Variants in NBAS observed in about 807,000 individuals in gnomAD.
The protein encoded by NBAS is NBAS subunit of NRZ tethering complex, also known as NAG/BC035112 fusion.
A neutral mutation model predicts 302.5 loss-of-function variants in NBAS; 219 were observed. The ratio of observed to expected loss-of-function variants is 0.72; its 90% CI spans 0.65 to 0.81. NBAS has a LOEUF of 0.81. Ranked by LOEUF, NBAS falls within the 30% of genes least tolerant of loss-of-function variation. The pLI, the probability that NBAS is intolerant of heterozygous loss-of-function variation, is 0.00. For missense variants in NBAS, 2,932 were observed against 2,841.6 expected (o/e 1.03, Z -0.72); for synonymous variants, 1,118 against 1,021.6 (o/e 1.09, Z -1.80).
chr2:15,079,228 T>C, the NBAS span, among the ~76,000 whole-genome samples: 1 of 151,996 alleles, frequency 6.6e-6, no homozygotes, highest in South Asian at 2.1e-4. Context: ...GAGTATGAAA[T>C]TTCATCCCAG....
At chr2:15,396,505 C>A (rs939141557) in intron 26 of NBAS, 30 bp from the exon 27 acceptor site, 2 of 1,455,184 alleles carry the variant, frequency 1.4e-6, no homozygotes, top group Non-Finnish European at 1.9e-6. Context: ...AAAAAAAAAG[C>A]CCTTAAGTTT....
chr2:15,489,573 C>T (rs993440952), intron 11 of NBAS, among the ~76,000 whole-genome samples: 5 of 152,268 alleles, frequency 3.3e-5, no homozygotes, highest in Admixed American at 6.5e-5. Context: ...TTAAGAAATG[C>T]TATGAATGTT....
the NBAS span, among the ~76,000 whole-genome samples, chr2:14,886,989 TG>T: frequency 6.6e-6 from 1 of 152,190 alleles, no homozygotes; most frequent in African/African-American, 2.4e-5. Context: ...CCGATAAACA[TG>T]ACCCCACTGG....
the NBAS span, among the ~76,000 whole-genome samples, chr2:14,967,040 C>T: frequency 2.0e-5 from 3 of 151,956 alleles, no homozygotes; most frequent in Non-Finnish European, 4.4e-5. Context: ...ATTTAAAATA[C>T]CATTATTAAT....
chr2:15,073,539 T>C, the NBAS span, among the ~76,000 whole-genome samples: 59 of 152,136 alleles, frequency 3.9e-4, no homozygotes, highest in Non-Finnish European at 6.8e-4. Context: ...TGTTTCTATT[T>C]TTTGGCTGTA....
the NBAS span, among the ~76,000 whole-genome samples, chr2:14,779,762 G>T: frequency 2.0e-5 from 3 of 152,184 alleles, no homozygotes; most frequent in Admixed American, 6.5e-5. Flanking sequence ...ATTCTGGGCT[G>T]TGACCTGAGG....
At chr2:14,819,180 A>G in the NBAS span, among the ~76,000 whole-genome samples, 1 of 152,170 alleles carries the variant, frequency 6.6e-6, no homozygotes, top group Non-Finnish European at 1.5e-5. Context: ...GTTTTCCCAG[A>G]TGCTATCTAA....
At chr2:15,072,301 A>G in the NBAS span, among the ~76,000 whole-genome samples, 1 of 152,144 alleles carries the variant, frequency 6.6e-6, no homozygotes, top group Admixed American at 6.6e-5. Context: ...GGCCATTTGT[A>G]TTTATTCTTC....
the NBAS span, among the ~76,000 whole-genome samples, chr2:15,058,737 T>G: frequency 6.6e-6 from 1 of 152,192 alleles, no homozygotes. Context: ...GTTCTATTGC[T>G]TACAACTTTC....
chr2:15,106,451 GTCTCTCTCTCTCTCTC>G, the NBAS span, among the ~76,000 whole-genome samples: 1 of 147,966 alleles, frequency 6.8e-6, no homozygotes, highest in East Asian at 2.0e-4. Flanking sequence ...CTCTGTCTCT[GTCTCTCTCTCTCTCTC>G]TCTCTCTCTC....
At chr2:15,426,482 T>C (rs970961891) in intron 22 of NBAS, among the ~76,000 whole-genome samples, 1 of 152,232 alleles carries the variant, frequency 6.6e-6, no homozygotes, top group African/African-American at 2.4e-5. Flanking sequence ...TTTAAATAAC[T>C]GGTCTCTTAC....
chr2:15,349,222 G>A (rs994600834), intron 35 of NBAS, among the ~76,000 whole-genome samples: 2 of 152,214 alleles, frequency 1.3e-5, no homozygotes, highest in African/African-American at 4.8e-5. Flanking sequence ...GGTTCAAAAG[G>A]AACAAAACTT....
chr2:15,360,941 T>G (rs1285913329), intron 32 of NBAS, among the ~76,000 whole-genome samples: 8 of 152,164 alleles, frequency 5.3e-5, no homozygotes, highest in Admixed American at 5.2e-4. Context: ...CATAGTATAG[T>G]AAACACTTAA....
chr2:15,198,237 T>C (rs1329941538), intron 48 of NBAS, among the ~76,000 whole-genome samples: 1 of 152,198 alleles, frequency 6.6e-6, no homozygotes, highest in Non-Finnish European at 1.5e-5. Context: ...ATTTAAGGTA[T>C]GCATATATCA....
the NBAS span, among the ~76,000 whole-genome samples, chr2:15,154,753 C>T: frequency 6.6e-6 from 1 of 152,166 alleles, no homozygotes; most frequent in East Asian, 1.9e-4. Flanking sequence ...CAGGGTCCAG[C>T]ACCACACACC....
chr2:14,835,076 A>G, the NBAS span, among the ~76,000 whole-genome samples: 1 of 152,076 alleles, frequency 6.6e-6, no homozygotes, highest in East Asian at 1.9e-4. Flanking sequence ...AGGATGAGTC[A>G]ATGATGACAT....
chr2:15,150,984 A>AT, the NBAS span, among the ~76,000 whole-genome samples: 1 of 152,154 alleles, frequency 6.6e-6, no homozygotes, highest in East Asian at 1.9e-4. Context: ...AAGAAAACAA[A>AT]AAAAATTCAA....
rs1199970369 is a variant in NBAS at position 15,415,713 on chromosome 2, C to G, written c.2770G>C (p.Glu924Gln). Residue 924 changes from glutamate to glutamine, a missense_variant, in exon 25 of 52, where the codon GAG (glutamate) becomes CAG (glutamine). By Grantham distance (29) the Glu-to-Gln change is conservative. Transcript: ENST00000281513. ...TAGGCACTTGTCACATATTTATCCT[C>G]AGAACACTGAAAGTACAATCAAGCA... ...KLRLLMNSCS[E>Q]DKYVTSAYQW... 6.2e-7 allele frequency: 1 copy of G among 1,614,148 alleles called. No homozygotes were observed. Among genetic ancestry groups the G allele is most frequent in the Non-Finnish European group, 8.5e-7 (1 of 1,180,020 alleles).
chr2:14,986,476 G>T, the NBAS span, among the ~76,000 whole-genome samples: 1 of 152,044 alleles, frequency 6.6e-6, no homozygotes, highest in Non-Finnish European at 1.5e-5. Flanking sequence ...GGAGAGAAAA[G>T]GAGGTTTTCA....
Sources: allele counts gnomAD v4.1 joint callset (sites outside exome capture counted in the v4.1 genomes callset), GRCh38; gene constraint gnomAD v4.1.1; transcripts MANE v1.5; gene names NCBI Gene and HGNC (gene_info 2026-07-23, HGNC 2026-07-21).